Variants in NPAS3 observed in about 807,000 individuals in gnomAD.
NPAS3 encodes neuronal PAS domain protein 3.
A neutral mutation model predicts 73.1 loss-of-function variants in NPAS3; 14 were observed. The observed-to-expected ratio is 0.19, with a 90% CI of 0.13 to 0.30. The LOEUF is 0.30. Among genes scored for constraint, NPAS3 ranks in the 10% least tolerant of loss-of-function variants. The pLI is 1.00. For missense variants in NPAS3, 1,096 were observed against 1,250.0 expected, an observed-to-expected ratio of 0.88 and a Z score of 1.86; for synonymous variants, 620 against 541.5, an observed-to-expected ratio of 1.14 and a Z score of -2.01.
chr14:33,193,102 A>G (rs927181561), intron 2 of NPAS3, among the ~76,000 whole-genome samples: 1 of 152,028 alleles, frequency 6.6e-6, no homozygotes, highest in Non-Finnish European at 1.5e-5. Flanking sequence ...TATCTCTTTT[A>G]TACATAAAAG....
chr14:33,439,587 A>G (rs2049146385), intron 4 of NPAS3, among the ~76,000 whole-genome samples: 1 of 152,272 alleles, frequency 6.6e-6, no homozygotes, highest in Non-Finnish European at 1.5e-5. Flanking sequence ...TTCCAATGCA[A>G]AACAATTTTA....
chr14:33,537,644 G>T lies in NPAS3; in HGVS notation c.469-22477G>T, dbSNP rs527398091. 3.7e-4 allele frequency among the ~76,000 whole-genome samples: 56 copies of T among 152,338 alleles called. 1 individual carries two copies. In the South Asian group the frequency reaches 0.012, roughly 32 times the overall value. On this transcript the variant is annotated intron_variant, in intron 4 of 11. Coordinates refer to ENST00000356141, the Ensembl canonical transcript of NPAS3. The stretch of plus-strand genomic sequence containing the variant: ...ATAATGATGCTAAATGAGCAAGGTA[G>T]TTGAGAAAAATAAGCATACAGAATC...
chr14:33,051,117 A>C (rs1328859942), intron 1 of NPAS3, among the ~76,000 whole-genome samples: 4 of 150,884 alleles, frequency 2.7e-5, no homozygotes, highest in Admixed American at 1.3e-4. Context: ...TACTAAAAAT[A>C]CAAAAAATTA....
chr14:32,989,539 C>A (rs989494826), intron 1 of NPAS3, among the ~76,000 whole-genome samples: 6 of 151,918 alleles, frequency 3.9e-5, no homozygotes, highest in African/African-American at 1.4e-4. Flanking sequence ...AGCTACGCGG[C>A]AGGCTGAGGC....
chr14:33,662,869 CT>C (rs550747845), intron 5 of NPAS3, among the ~76,000 whole-genome samples: 4,062 of 89,930 alleles, frequency 0.045, 38 homozygotes, highest in African/African-American at 0.12. Context: ...TGGGGTTTTC[CT>C]TTTTTTTTTT....
intron 1 of NPAS3, among the ~76,000 whole-genome samples, chr14:33,046,382 T>G (rs1386335332): frequency 6.6e-6 from 1 of 152,122 alleles, no homozygotes; most frequent in Non-Finnish European, 1.5e-5. Flanking sequence ...AAACTTGCAT[T>G]TAGAAAGCCC....
chr14:33,409,484 T>G (rs1376657928), intron 4 of NPAS3, among the ~76,000 whole-genome samples: 1 of 152,216 alleles, frequency 6.6e-6, no homozygotes, highest in Non-Finnish European at 1.5e-5. Flanking sequence ...TTTTATCATT[T>G]TAAAAGATGA....
chr14:33,052,734 T>TA (rs1299964238), intron 1 of NPAS3, among the ~76,000 whole-genome samples: 1 of 152,176 alleles, frequency 6.6e-6, no homozygotes, highest in Non-Finnish European at 1.5e-5. Flanking sequence ...ACGGTGGCAA[T>TA]ACCTAGGCAC....
chr14:33,801,102 A>C, exon 12 of NPAS3: 1 of 1,583,652 alleles, frequency 6.3e-7, no homozygotes, highest in African/African-American at 1.3e-5. Flanking sequence ...GAGCGCAAGG[A>C]GGACTGAGGC....
At chr14:33,281,217 A>T (rs565713659) in intron 3 of NPAS3, among the ~76,000 whole-genome samples, 1 of 152,364 alleles carries the variant, frequency 6.6e-6, no homozygotes, top group African/African-American at 2.4e-5. Flanking sequence ...TTCACTCGAC[A>T]TCTTGTCATG....
intron 1 of NPAS3, among the ~76,000 whole-genome samples, chr14:33,024,224 T>C (rs2039717599): frequency 6.7e-6 from 1 of 149,756 alleles, no homozygotes; most frequent in Non-Finnish European, 1.5e-5. Context: ...CAGGCTGGAG[T>C]ACAGTGGCAT....
chr14:33,073,413 A>G (rs2041552141), intron 2 of NPAS3, among the ~76,000 whole-genome samples: 1 of 152,322 alleles, frequency 6.6e-6, no homozygotes, highest in South Asian at 2.1e-4. Context: ...ACTCTATAGT[A>G]TACAGTAAAT....
chr14:33,165,094 G>C (rs998126925), intron 2 of NPAS3, among the ~76,000 whole-genome samples: 1 of 152,060 alleles, frequency 6.6e-6, no homozygotes, highest in African/African-American at 2.4e-5. Context: ...AATCAGTCAG[G>C]ATAAATGGGT....
At chr14:33,699,516 T>C (rs1392629501) in intron 6 of NPAS3, among the ~76,000 whole-genome samples, 15 of 152,162 alleles carry the variant, frequency 9.9e-5, no homozygotes, top group Non-Finnish European at 1.5e-5. Context: ...GTGGCTGCAT[T>C]CGTGGAAGAG....
chr14:33,675,453 GAGTT>G (rs936494616), intron 5 of NPAS3, among the ~76,000 whole-genome samples: 1 of 152,274 alleles, frequency 6.6e-6, no homozygotes, highest in East Asian at 1.9e-4. Context: ...GTTAGTTAGA[GAGTT>G]AGCCTGATTC....
At chr14:33,614,975 A>C (rs978904882) in intron 5 of NPAS3, among the ~76,000 whole-genome samples, 2 of 152,294 alleles carry the variant, frequency 1.3e-5, no homozygotes, top group South Asian at 2.1e-4. Context: ...ATGGATGTGC[A>C]AAGATGAATT....
intron 2 of NPAS3, among the ~76,000 whole-genome samples, chr14:33,100,978 T>A (rs1235281309): frequency 6.6e-6 from 1 of 152,198 alleles, no homozygotes; most frequent in Non-Finnish European, 1.5e-5. Context: ...TATTCTGATT[T>A]ACTGGATCCT....
upstream of NPAS3, among the ~76,000 whole-genome samples, chr14:32,938,403 C>T (rs1462814247): frequency 6.7e-6 from 1 of 149,746 alleles, no homozygotes; most frequent in African/African-American, 2.5e-5. Flanking sequence ...TTTGAAACTG[C>T]AACTGAGTGG....
intron 5 of NPAS3, among the ~76,000 whole-genome samples, chr14:33,615,856 T>G (rs2057900023): frequency 6.6e-6 from 1 of 152,200 alleles, no homozygotes; most frequent in African/African-American, 2.4e-5. Context: ...GATTATGGTC[T>G]TTAAAAGAAA....
Sources: gnomAD v4.1 joint callset for allele counts (sites outside exome capture counted in the v4.1 genomes callset) on GRCh38, gnomAD v4.1.1 for gene constraint, MANE v1.5 for transcripts, NCBI Gene and HGNC (gene_info 2026-07-23, HGNC 2026-07-21) for gene names.